Variants in TECR observed in about 807,000 individuals in gnomAD.
TECR encodes very-long-chain enoyl-CoA reductase.
Under a neutral mutation model 50.6 loss-of-function variants are expected in TECR, and 19 were observed. The observed-to-expected ratio is 0.38, with a 90% CI of 0.26 to 0.55. The LOEUF is 0.55. Ranked by LOEUF, TECR falls within the 20% of genes least tolerant of loss-of-function variation. TECR has a pLI of 0.79. For synonymous variants in TECR, 168 were observed against 163.5 expected (o/e 1.03, Z -0.21); for missense variants, 313 against 408.3 (o/e 0.77, Z 2.01).
rs184288412 is a variant in TECR at position 14,547,986 on chromosome 19, C to T, written c.16-14539C>T. Among the ~76,000 whole-genome samples, 343 of 137,902 alleles carry T rather than the reference C, an allele frequency of 2.5e-3. 1 individual carries two copies. Among genetic ancestry groups the T allele is most frequent in the African/African-American group, 8.9e-3 (326 of 36,536 alleles). The allele number at this position is 137,902 out of a possible 152,430, so 90.5% of individuals were successfully genotyped here. On this transcript the variant is annotated intron_variant, in intron 1 of 12. Transcript: ENST00000215567. ...TTCTTTTTTTTTTTTTTTTTTGAGA[C>T]GGAGTCTCGCTCTGTCACCCAGGCT...
chr19:14,548,803 G>A (rs1438817099), intron 1 of TECR, among the ~76,000 whole-genome samples: 1 of 151,812 alleles, frequency 6.6e-6, no homozygotes, highest in Non-Finnish European at 1.5e-5. Flanking sequence ...TCAAACTCCT[G>A]ATTTCAAGTG....
At chr19:14,545,587 C>G in intron 1 of TECR, 1 of 196,380 alleles carries the variant, frequency 5.1e-6, no homozygotes, top group Non-Finnish European at 1.1e-5. Flanking sequence ...GCTCTTGTTA[C>G]ACCCGCCTGA....
rs200420786 is a variant in TECR, at chr19:14,538,362, GC to G, written c.15+8653del. 1.8e-4 allele frequency among the ~76,000 whole-genome samples: 27 copies of G among 152,160 alleles called. No individual in the cohort carries two copies. The East Asian group carries it at 5.0e-3, about 28-fold the overall frequency. On this transcript the variant is annotated intron_variant, in intron 1 of 12. Coordinates refer to ENST00000215567, the MANE Select transcript of TECR (RefSeq NM_138501.6). ...GAGGCCAGGATAACGACACCTGGGG[GC>G]CTGTGGGGGAGTGTGAAGTGCTCAG...
intron 1 of TECR, among the ~76,000 whole-genome samples, chr19:14,544,053 C>G (rs2073218450): frequency 6.6e-6 from 1 of 152,056 alleles, no homozygotes; most frequent in African/African-American, 2.4e-5. Context: ...AATAGTTTAA[C>G]AAAATCTCCC....
chr19:14,563,091 T>TC lies in TECR; in HGVS notation c.67-110dup, dbSNP rs1443599633. 7.7e-7 allele frequency: 1 copy of TC among 1,306,086 alleles called. No individual in the cohort carries two copies. The highest frequency in any genetic ancestry group is 1.1e-6 in the Non-Finnish European group (1 of 922,726). The allele number at this position is 1,306,086 out of a possible 1,614,324, so 80.9% of individuals were successfully genotyped here. On this transcript the variant is annotated intron_variant, in intron 2 of 12. Transcript: ENST00000215567. This position sits in a 1 kb window ranked among gnomAD's most constrained non-coding sequence, Gnocchi z 5.3. ...AGGCAGAGGCCTGGACCCCAGCCCTTCCCCCTTCCCATAGCTACAGCCCAA... is the reference window on the plus strand; with the variant it reads ...AGGCAGAGGCCTGGACCCCAGCCCTTCCCCCCTTCCCATAGCTACAGCCCAA...
intron 1 of TECR, among the ~76,000 whole-genome samples, chr19:14,556,413 A>AAAAAAC (rs71166757): frequency 0.033 from 2,890 of 86,610 alleles, 92 homozygotes; most frequent in African/African-American, 0.082. Context: ...TCTCTCAAAA[A>AAAAAAC]AAAAACAAAA....
At chr19:14,559,327 G>A (rs2073837306) in intron 1 of TECR, among the ~76,000 whole-genome samples, 1 of 151,940 alleles carries the variant, frequency 6.6e-6, no homozygotes, top group Admixed American at 6.6e-5. Context: ...CCCAGCAGCA[G>A]CCACTCCCCA....
At chr19:14,551,936 T>C (rs1192394840) in intron 1 of TECR, among the ~76,000 whole-genome samples, 2 of 93,184 alleles carry the variant, frequency 2.1e-5, no homozygotes, top group African/African-American at 4.0e-5. Context: ...CCTCTCTCTC[T>C]CCCTCCCTCC....
chr19:14,535,546 AT>A (rs1568396461), intron 1 of TECR, among the ~76,000 whole-genome samples: 1 of 6,248 alleles, frequency 1.6e-4, no homozygotes, highest in African/African-American at 7.2e-4. Flanking sequence ...AAAAAAAAAT[AT>A]ATATATATAT....
intron 1 of TECR, among the ~76,000 whole-genome samples, chr19:14,552,176 T>C (rs1343169923): frequency 6.7e-6 from 1 of 148,880 alleles, no homozygotes; most frequent in Non-Finnish European, 1.5e-5. Flanking sequence ...TTTTTTCTTT[T>C]TTTTTTTTTT....
At chr19:14,548,205 GC>G (rs934885154) in intron 1 of TECR, among the ~76,000 whole-genome samples, 2 of 151,514 alleles carry the variant, frequency 1.3e-5, no homozygotes, top group Non-Finnish European at 2.9e-5. Context: ...TTCATGATCC[GC>G]CCCCTCGGCC....
chr19:14,548,317 G>C (rs1302380858), intron 1 of TECR, among the ~76,000 whole-genome samples: 1 of 151,988 alleles, frequency 6.6e-6, no homozygotes, highest in African/African-American at 2.4e-5. Context: ...TTTTCCTCTT[G>C]AACCTGCATT....
At chr19:14,557,829 C>T (rs1023414081) in intron 1 of TECR, among the ~76,000 whole-genome samples, 1 of 151,806 alleles carries the variant, frequency 6.6e-6, no homozygotes, top group Non-Finnish European at 1.5e-5. Context: ...GATCTCGGTT[C>T]ACTGCAAGCT....
chr19:14,563,094 C>A lies in TECR; in HGVS notation c.67-112C>A. 7.2e-7 allele frequency: 1 copy of A among 1,383,040 alleles called. No individual in the cohort carries two copies. The highest frequency in any genetic ancestry group is 1.2e-5 in the South Asian group (1 of 82,406). 85.7% of individuals were successfully genotyped at this position (1,383,040 alleles called of 1,614,324 possible). On this transcript the variant is annotated intron_variant, in intron 2 of 12. Transcript: ENST00000215567. This position sits in a 1 kb window ranked among gnomAD's most constrained non-coding sequence, Gnocchi z 5.3. The stretch of plus-strand genomic sequence containing the variant: ...CAGAGGCCTGGACCCCAGCCCTTCC[C>A]CCTTCCCATAGCTACAGCCCAACCC...
chr19:14,534,227 C>T (rs1196187391), intron 1 of TECR, among the ~76,000 whole-genome samples: 2 of 151,758 alleles, frequency 1.3e-5, no homozygotes, highest in African/African-American at 4.8e-5. Context: ...CGGGTTCACG[C>T]CATTCTCCTG....
intron 1 of TECR, among the ~76,000 whole-genome samples, chr19:14,538,158 C>G (rs950701684): frequency 6.6e-6 from 1 of 152,164 alleles, no homozygotes; most frequent in Admixed American, 6.6e-5. Context: ...GAAAGTGAAG[C>G]GACTTGTCCA....
rs2073937139 is a variant in TECR, at chr19:14,562,653, C to T, written c.66+78C>T. On this transcript the variant is annotated intron_variant, in intron 2 of 12. Coordinates refer to ENST00000215567, the MANE Select transcript of TECR (RefSeq NM_138501.6). ...CAATCCTTATAGCCCAGGAGCTGTCCAGTGGGGCCCTTTGTGCCCCACCCC... is the reference window on the plus strand; with the variant it reads ...CAATCCTTATAGCCCAGGAGCTGTCTAGTGGGGCCCTTTGTGCCCCACCCC... 2.6e-6 allele frequency: 4 copies of T among 1,539,436 alleles called. No individual in the cohort carries two copies. In the South Asian group the frequency reaches 4.5e-5, roughly 17 times the overall value.
chr19:14,540,184 C>T (rs1291446041), intron 1 of TECR, among the ~76,000 whole-genome samples: 2 of 151,548 alleles, frequency 1.3e-5, no homozygotes, highest in African/African-American at 2.4e-5. Context: ...CTCAGCCTCC[C>T]GAGTAGCTGG....
chr19:14,556,239 C>T (rs1315614825), intron 1 of TECR, among the ~76,000 whole-genome samples: 1 of 152,096 alleles, frequency 6.6e-6, no homozygotes, highest in African/African-American at 2.4e-5. Flanking sequence ...ACTTACTGTT[C>T]CCTCTGCCTG....
Sources: allele counts gnomAD v4.1 joint callset (sites outside exome capture counted in the v4.1 genomes callset), GRCh38; gene constraint gnomAD v4.1.1; non-coding constraint Gnocchi (gnomAD v3.1); transcripts MANE v1.5; gene names NCBI Gene and HGNC (gene_info 2026-07-23, HGNC 2026-07-21).